PTDSS1: variants seen among roughly 807,000 people sequenced by gnomAD.
PTDSS1 encodes the protein phosphatidylserine synthase 1.
In PTDSS1, 45 loss-of-function variants were observed where a neutral mutation model predicts 70.5. The observed-to-expected ratio is 0.64, with a 90% CI of 0.50 to 0.82. The LOEUF is 0.82. PTDSS1 is among the 40% of genes least tolerant of loss of function. The pLI, the probability that PTDSS1 is intolerant of heterozygous loss-of-function variation, is 0.00. For synonymous variants in PTDSS1, 188 were observed against 203.8 expected (o/e 0.92, Z 0.66); for missense variants, 417 against 586.1 (o/e 0.71, Z 2.98).
Position 96,295,147 on chromosome 8 carries a change from A to C in PTDSS1, c.491A>C (p.His164Pro). The change falls in exon 5 of 13, where the codon CAC becomes CCC. Residue 164 changes from histidine to proline, a missense_variant. By Grantham distance (77) the His-to-Pro change is moderately conservative (BLOSUM62 -2). Coordinates refer to ENST00000517309, the MANE Select transcript of PTDSS1 (RefSeq NM_014754.3). ...HVITWERIIS[H>P]FDIFAFGHFW... ...ATCACCTGGGAGAGGATTATCAGCC[A>C]CTTTGATATTTTTGCATTTGGACAT... is the stretch of plus-strand genomic sequence containing the variant. 6.2e-7 allele frequency: 1 copy of C among 1,614,112 alleles called. No homozygotes were observed. The highest frequency in any genetic ancestry group is 8.5e-7 in the Non-Finnish European group (1 of 1,179,978).
intron 5 of PTDSS1, among the ~76,000 whole-genome samples, chr8:96,298,453 G>C (rs1811006197): frequency 6.6e-6 from 1 of 152,118 alleles, no homozygotes; most frequent in Non-Finnish European, 1.5e-5. Context: ...TGGGCATGCT[G>C]TTCTGAACAC....
At chr8:96,310,954 T>C (rs1811203490) in intron 9 of PTDSS1, among the ~76,000 whole-genome samples, 1 of 152,006 alleles carries the variant, frequency 6.6e-6, no homozygotes, top group African/African-American at 2.4e-5. Context: ...TTAGTAGAGA[T>C]GGGGTTTCAC....
chr8:96,286,709 C>T (rs987048962), intron 3 of PTDSS1, among the ~76,000 whole-genome samples: 2 of 152,200 alleles, frequency 1.3e-5, no homozygotes, highest in African/African-American at 4.8e-5. Context: ...GACCTGCATG[C>T]TGTTCTCTAC....
At chr8:96,267,887 T>A (rs550878589) in intron 1 of PTDSS1, among the ~76,000 whole-genome samples, 2 of 152,162 alleles carry the variant, frequency 1.3e-5, no homozygotes, top group Admixed American at 6.5e-5. Context: ...TCCCGCCACC[T>A]CCTGCCCACA....
chr8:96,327,203 G>A (rs1811449995), intron 10 of PTDSS1, among the ~76,000 whole-genome samples: 1 of 152,210 alleles, frequency 6.6e-6, no homozygotes, highest in Admixed American at 6.5e-5. Flanking sequence ...AGCCCATGTG[G>A]AGGGTGCAGT....
chr8:96,279,833 A>ATAAATAAATAAG (rs1167200125), intron 2 of PTDSS1, among the ~76,000 whole-genome samples: 1 of 151,860 alleles, frequency 6.6e-6, no homozygotes, highest in African/African-American at 2.4e-5. Flanking sequence ...AAATAAATAA[A>ATAAATAAATAAG]TAAATAAATA....
intron 3 of PTDSS1, 110 bp from the exon 4 acceptor site, chr8:96,286,912 G>A (rs1017503168): frequency 1.5e-6 from 2 of 1,352,468 alleles, no homozygotes; most frequent in South Asian, 2.6e-5. Flanking sequence ...GACAGGCTGT[G>A]CTGCAATCTT....
chr8:96,332,931 C>T, intron 12 of PTDSS1, among the ~76,000 whole-genome samples: 1 of 152,200 alleles, frequency 6.6e-6, no homozygotes, highest in Admixed American at 6.5e-5. Context: ...CAGTGCCCTC[C>T]ATCGTGGGCA....
At chr8:96,307,449 CAAAAAAAAAA>C (rs56284473) in intron 8 of PTDSS1, among the ~76,000 whole-genome samples, 9 of 50,630 alleles carry the variant, frequency 1.8e-4, no homozygotes, top group African/African-American at 2.5e-4. Context: ...TCAATATTAC[CAAAAAAAAAA>C]AAAAAAAAAA....
chr8:96,267,484 T>C lies in PTDSS1; in HGVS notation c.179+5265T>C, dbSNP rs970633318. ...TCCCCTCCCTCCAGTGCTGCCCCTG[T>C]GATCTTTTTAGACAAAATCATGGTC... On this transcript the variant is annotated intron_variant, in intron 1 of 12. Transcript: ENST00000517309. 2.6e-5 allele frequency among the ~76,000 whole-genome samples: 4 copies of C among 152,184 alleles called. No individual in the cohort carries two copies. The East Asian group carries it at 7.7e-4, about 29-fold the overall frequency.
chr8:96,293,767 T>C (rs914431813), intron 4 of PTDSS1, among the ~76,000 whole-genome samples: 1 of 152,238 alleles, frequency 6.6e-6, no homozygotes, highest in Non-Finnish European at 1.5e-5. Flanking sequence ...AGCAGCCTTC[T>C]AAAAACAGAT....
At chr8:96,302,298 C>T (rs1221011275) in intron 6 of PTDSS1, among the ~76,000 whole-genome samples, 2 of 152,126 alleles carry the variant, frequency 1.3e-5, no homozygotes, top group Non-Finnish European at 2.9e-5. Flanking sequence ...TCCCAAAGTG[C>T]TGGGATTACA....
At chr8:96,292,808 A>G (rs1038935577) in intron 4 of PTDSS1, among the ~76,000 whole-genome samples, 2 of 152,224 alleles carry the variant, frequency 1.3e-5, no homozygotes, top group Admixed American at 6.5e-5. Context: ...AGCCCATTAG[A>G]CAACCACAAG....
In PTDSS1 at chr8:96,286,136, A is replaced by G. The variant is rs369244636; in HGVS notation, c.317-886A>G. Among the ~76,000 whole-genome samples the G allele has an allele frequency of 5.9e-5, 9 of 152,194 alleles. No individual in the cohort carries two copies. The East Asian group carries it at 1.2e-3, about 20-fold the overall frequency. ...TCTCCTCTGGAGTGGCTCACTGGAGATTAGTGCTGAGCCAAGTTTGGATGG... is the reference window on the plus strand; with the variant it reads ...TCTCCTCTGGAGTGGCTCACTGGAGGTTAGTGCTGAGCCAAGTTTGGATGG... On this transcript the variant is annotated intron_variant, in intron 3 of 12. Transcript: ENST00000517309.
chr8:96,287,177 A>G, intron 4 of PTDSS1, 31 bp downstream of exon 4: 1 of 1,609,672 alleles, frequency 6.2e-7, no homozygotes. Flanking sequence ...TCTTGGAGAA[A>G]CTCGTAGACT....
chr8:96,334,208 A>C lies in PTDSS1; in HGVS notation c.*642A>C. ...AGTCTCCTGTAAGACCTCCTACCAC[A>C]TGGCGAGTATACACCAATCAGGAGA... On this transcript the variant is annotated 3_prime_UTR_variant, in exon 13 of 13. Transcript: ENST00000517309. 1.2e-5 allele frequency: 2 copies of C among 173,062 alleles called. No individual in the cohort carries two copies. The highest frequency in any genetic ancestry group is 2.4e-5 in the Non-Finnish European group (2 of 81,656). The allele number at this position is 173,062 out of a possible 1,614,324, so 10.7% of individuals were successfully genotyped here.
intron 9 of PTDSS1, among the ~76,000 whole-genome samples, chr8:96,316,083 T>G (rs922879701): frequency 3.3e-5 from 5 of 152,118 alleles, no homozygotes; most frequent in African/African-American, 4.8e-5. Flanking sequence ...CTCCCTCCAG[T>G]GGGCCAGAGG....
intron 6 of PTDSS1, among the ~76,000 whole-genome samples, chr8:96,302,297 G>T (rs1278880180): frequency 1.3e-5 from 2 of 152,044 alleles, no homozygotes; most frequent in Non-Finnish European, 2.9e-5. Context: ...CTCCCAAAGT[G>T]CTGGGATTAC....
At chr8:96,330,325 C>T (rs1430628288) in intron 11 of PTDSS1, 44 bp downstream of exon 11, 3 of 1,562,790 alleles carry the variant, frequency 1.9e-6, no homozygotes, top group Admixed American at 1.7e-5. Context: ...AAAATAATCA[C>T]CCCGGGCTCG....
Sources: gnomAD v4.1 joint callset for allele counts (sites outside exome capture counted in the v4.1 genomes callset) on GRCh38, gnomAD v4.1.1 for gene constraint, MANE v1.5 for transcripts, NCBI Gene and HGNC (gene_info 2026-07-23, HGNC 2026-07-21) for gene names.